KCND3: variants seen among roughly 807,000 people sequenced by gnomAD.
The protein encoded by KCND3 is potassium voltage-gated channel subfamily D member 3.
In KCND3, 9 loss-of-function variants were observed where a neutral mutation model predicts 51.1. The ratio of observed to expected loss-of-function variants is 0.18; its 90% CI spans 0.11 to 0.31. The LOEUF is 0.31. Ranked by LOEUF, KCND3 falls within the 10% of genes least tolerant of loss-of-function variation. The pLI is 1.00. For synonymous variants in KCND3, 349 were observed against 368.0 expected (o/e 0.95, Z 0.59); for missense variants, 526 against 903.8 (o/e 0.58, Z 5.36).
Position 111,955,780 on chromosome 1 carries a change from G to A in KCND3, c.1106+25841C>T, listed in dbSNP as rs150921908. 1.6e-3 allele frequency among the ~76,000 whole-genome samples: 249 copies of A among 152,292 alleles called. 1 individual carries two copies. The highest frequency in any genetic ancestry group is 5.8e-3 in the African/African-American group (241 of 41,542). On this transcript the variant is annotated intron_variant, in intron 2 of 7. Coordinates refer to ENST00000302127, the MANE Select transcript of KCND3 (RefSeq NM_001378969.1). ...ATATGGATGAAACAGCCAACATTGC[G>A]TTCAACACCCTACATGACCAGCACT...
intron 2 of KCND3, among the ~76,000 whole-genome samples, chr1:111,977,735 C>T (rs907625993): frequency 2.6e-5 from 4 of 152,298 alleles, no homozygotes; most frequent in Non-Finnish European, 5.9e-5. Flanking sequence ...TGAGCTTCCC[C>T]CATGGACTGT....
chr1:111,961,916 C>T (rs1673683387), intron 2 of KCND3, among the ~76,000 whole-genome samples: 1 of 152,194 alleles, frequency 6.6e-6, no homozygotes, highest in South Asian at 2.1e-4. Context: ...GGCTACAGTC[C>T]CACTTCTGTT....
chr1:111,916,316 A>T (rs1671215023), intron 2 of KCND3, among the ~76,000 whole-genome samples: 1 of 152,222 alleles, frequency 6.6e-6, no homozygotes, highest in African/African-American at 2.4e-5. Context: ...GGCACTTCTT[A>T]AAAACCCATA....
At chr1:111,868,341 T>A (rs901153842) in intron 2 of KCND3, among the ~76,000 whole-genome samples, 1 of 152,232 alleles carries the variant, frequency 6.6e-6, no homozygotes, top group South Asian at 2.1e-4. Context: ...ATCAGATAAC[T>A]GCTGCATTTC....
At chr1:111,916,605 A>G (rs960275409) in intron 2 of KCND3, among the ~76,000 whole-genome samples, 2 of 152,184 alleles carry the variant, frequency 1.3e-5, no homozygotes, top group African/African-American at 4.8e-5. Flanking sequence ...GAGAAATCCA[A>G]TAAAACCAAA....
chr1:111,957,577 T>G (rs928415600), intron 2 of KCND3, among the ~76,000 whole-genome samples: 5 of 152,050 alleles, frequency 3.3e-5, no homozygotes, highest in East Asian at 1.9e-4. Flanking sequence ...AAAAGAGAGA[T>G]ATGTGTTCAC....
At chr1:111,832,549 A>G (rs559383859) in intron 2 of KCND3, among the ~76,000 whole-genome samples, 3 of 152,096 alleles carry the variant, frequency 2.0e-5, no homozygotes, top group Non-Finnish European at 4.4e-5. Context: ...CCTTCCCTAA[A>G]GCATGTAGCA....
intron 2 of KCND3, among the ~76,000 whole-genome samples, chr1:111,915,876 A>G (rs76041415): frequency 0.026 from 3,899 of 152,240 alleles, 70 homozygotes; most frequent in Middle Eastern, 0.044. Context: ...TAAAAAAAAA[A>G]ACAAAACCCT....
intron 2 of KCND3, among the ~76,000 whole-genome samples, chr1:111,845,087 T>C (rs762314025): frequency 9.2e-5 from 14 of 152,158 alleles, no homozygotes; most frequent in Non-Finnish European, 1.8e-4. Context: ...AGCCCTGCCA[T>C]CTACAGTGAA....
chr1:111,828,009 G>A (rs1666655134), intron 2 of KCND3, among the ~76,000 whole-genome samples: 1 of 152,204 alleles, frequency 6.6e-6, no homozygotes, highest in African/African-American at 2.4e-5. Context: ...ATGAAAACTG[G>A]TACTTGCTAA....
chr1:111,945,464 AC>A (rs1212925416), intron 2 of KCND3, among the ~76,000 whole-genome samples: 2 of 152,024 alleles, frequency 1.3e-5, no homozygotes, highest in Admixed American at 6.6e-5. Flanking sequence ...TCTATGGCCT[AC>A]CCCCATTAAC....
intron 2 of KCND3, among the ~76,000 whole-genome samples, chr1:111,870,852 G>A: frequency 6.6e-6 from 1 of 152,234 alleles, no homozygotes; most frequent in East Asian, 1.9e-4. Context: ...GACAGAGTCA[G>A]ACATAGATCC....
chr1:111,895,937 GGAA>G (rs1670088920), intron 2 of KCND3, among the ~76,000 whole-genome samples: 1 of 152,252 alleles, frequency 6.6e-6, no homozygotes, highest in African/African-American at 2.4e-5. Flanking sequence ...ACTGCCAGGA[GGAA>G]GAAGTTCAGG....
At chr1:111,957,945 G>C (rs1178649992) in intron 2 of KCND3, among the ~76,000 whole-genome samples, 3 of 152,294 alleles carry the variant, frequency 2.0e-5, no homozygotes, top group Admixed American at 1.3e-4. Flanking sequence ...GTAAAAAGAG[G>C]GGGGAAAGCA....
intron 2 of KCND3, among the ~76,000 whole-genome samples, chr1:111,933,956 A>G (rs944159345): frequency 5.3e-5 from 8 of 152,242 alleles, no homozygotes; most frequent in Admixed American, 2.0e-4. Context: ...CAGGAGGCAC[A>G]GATCAAGCAT....
intron 2 of KCND3, among the ~76,000 whole-genome samples, chr1:111,822,594 C>T (rs140971876): frequency 4.9e-4 from 75 of 152,308 alleles, no homozygotes; most frequent in African/African-American, 1.5e-3. Context: ...CCACAGTTTG[C>T]TTGTCCATTA....
chr1:111,839,497 C>T (rs1667227803), intron 2 of KCND3, among the ~76,000 whole-genome samples: 1 of 152,194 alleles, frequency 6.6e-6, no homozygotes, highest in Non-Finnish European at 1.5e-5. Flanking sequence ...CAGTCCTTTA[C>T]CTTGTTCATT....
chr1:111,909,245 C>T (rs1390797295), intron 2 of KCND3: 1 of 152,290 alleles, frequency 6.6e-6, no homozygotes, highest in Non-Finnish European at 1.5e-5. Flanking sequence ...GGGGAGGTGG[C>T]AGTGGAAACA....
At chr1:111,785,183 T>C (rs529049288) in intron 3 of KCND3, among the ~76,000 whole-genome samples, 1 of 152,270 alleles carries the variant, frequency 6.6e-6, no homozygotes, top group African/African-American at 2.4e-5. Flanking sequence ...AGGATTCCTG[T>C]GAACCTCACC....
Sources: allele counts gnomAD v4.1 joint callset (sites outside exome capture counted in the v4.1 genomes callset), GRCh38; gene constraint gnomAD v4.1.1; transcripts MANE v1.5; gene names NCBI Gene and HGNC (gene_info 2026-07-23, HGNC 2026-07-21).